RAB3GAP1: variants seen among roughly 807,000 people sequenced by gnomAD.
The protein encoded by RAB3GAP1 is rab3 GTPase-activating protein catalytic subunit.
A neutral mutation model predicts 130.7 loss-of-function variants in RAB3GAP1; 86 were observed. That is an observed-to-expected ratio of 0.66 (90% CI 0.55 to 0.79). RAB3GAP1 has a LOEUF of 0.79. Among genes scored for constraint, RAB3GAP1 ranks in the 30% least tolerant of loss-of-function variants. The pLI is 0.00. For missense variants in RAB3GAP1, 1,029 were observed against 1,169.4 expected (o/e 0.88, Z 1.75); for synonymous variants, 367 against 401.7 (o/e 0.91, Z 1.03).
chr2:135,119,762 C>T (rs972703218), intron 7 of RAB3GAP1, among the ~76,000 whole-genome samples: 7 of 151,972 alleles, frequency 4.6e-5, no homozygotes, highest in African/African-American at 1.7e-4. Flanking sequence ...AGTGTAGTCT[C>T]CTGAACAGCA....
At chr2:135,162,708 T>C (rs2104997855) in intron 20 of RAB3GAP1, 40 bp from the exon 21 acceptor site, 1 of 1,606,270 alleles carries the variant, frequency 6.2e-7, no homozygotes, top group Non-Finnish European at 8.5e-7. Context: ...TATATTTTGC[T>C]TAATTTATTT....
intron 3 of RAB3GAP1, among the ~76,000 whole-genome samples, chr2:135,077,537 T>A (rs1448308215): frequency 6.6e-6 from 1 of 152,008 alleles, no homozygotes; most frequent in African/African-American, 2.4e-5. Context: ...ACCAAAAAAA[T>A]CCCCAAGAAA....
At chr2:135,112,849 C>CACACA (rs1690852759) in intron 5 of RAB3GAP1, among the ~76,000 whole-genome samples, 2 of 151,476 alleles carry the variant, frequency 1.3e-5, no homozygotes, top group South Asian at 4.2e-4. Context: ...CACACACACA[C>CACACA]ACACACACAC....
At chr2:135,092,717 C>T (rs546374483) in intron 4 of RAB3GAP1, among the ~76,000 whole-genome samples, 4 of 152,270 alleles carry the variant, frequency 2.6e-5, no homozygotes, top group African/African-American at 9.6e-5. Context: ...GGATTACAGG[C>T]GTGAATCACT....
intron 18 of RAB3GAP1, 100 bp downstream of exon 18, chr2:135,150,606 TTTG>T: frequency 4.1e-6 from 6 of 1,473,726 alleles, no homozygotes; most frequent in Non-Finnish European, 5.6e-6. Flanking sequence ...TGAATGTCTT[TTTG>T]TTAAGTGTTT....
intron 17 of RAB3GAP1, among the ~76,000 whole-genome samples, chr2:135,140,990 T>A (rs1691821947): frequency 1.3e-5 from 2 of 152,212 alleles, no homozygotes; most frequent in Non-Finnish European, 2.9e-5. Flanking sequence ...TTTTTGCCTT[T>A]CTGAAGGGTA....
chr2:135,081,835 C>A (rs1689830122), intron 3 of RAB3GAP1, among the ~76,000 whole-genome samples: 1 of 151,988 alleles, frequency 6.6e-6, no homozygotes, highest in Admixed American at 6.6e-5. Context: ...AGAGAATCTT[C>A]TCAGTGTAAA....
intron 17 of RAB3GAP1, among the ~76,000 whole-genome samples, chr2:135,138,311 G>C (rs969101746): frequency 1.3e-5 from 2 of 151,272 alleles, no homozygotes; most frequent in Non-Finnish European, 2.9e-5. Context: ...TTAGCCGACT[G>C]GGGTAGCGTA....
At chr2:135,098,601 C>G (rs1358083943) in intron 5 of RAB3GAP1, among the ~76,000 whole-genome samples, 1 of 152,118 alleles carries the variant, frequency 6.6e-6, no homozygotes, top group African/African-American at 2.4e-5. Flanking sequence ...GGTAGCAGAT[C>G]CATTACCCAG....
chr2:135,120,642 G>T (rs1378660364), intron 7 of RAB3GAP1, among the ~76,000 whole-genome samples, 177 bp from the exon 8 acceptor site: 1 of 152,156 alleles, frequency 6.6e-6, no homozygotes, highest in Non-Finnish European at 1.5e-5. Context: ...GGAATGGCTA[G>T]AATATCATGT....
intron 3 of RAB3GAP1, among the ~76,000 whole-genome samples, chr2:135,085,413 T>C (rs918932788): frequency 4.6e-5 from 7 of 152,098 alleles, no homozygotes; most frequent in Non-Finnish European, 8.8e-5. Flanking sequence ...AATAGCAGAT[T>C]TGTATTTTAG....
chr2:135,130,083 C>T lies in RAB3GAP1; in HGVS notation c.1062C>T (p.Gly354=). 2 of 1,608,074 alleles carry T rather than the reference C, an allele frequency of 1.2e-6. No individual in the cohort carries two copies. Among genetic ancestry groups the T allele is most frequent in the African/African-American group, 1.3e-5 (1 of 74,772 alleles). ...GACGATCTGCATTTGAGGAAGAAGG[C>T]AAAGGTAACCTACATTTTTTTTTAA... ...ILGRSAFEEE[G]KETADITHAL... The change falls in exon 12 of 24, where the codon GGC becomes GGT. Residue 354 remains glycine (G), a synonymous_variant. Transcript: ENST00000264158.
At chr2:135,154,460 C>G (rs960788359) in intron 19 of RAB3GAP1, among the ~76,000 whole-genome samples, 11 of 150,496 alleles carry the variant, frequency 7.3e-5, no homozygotes, top group Non-Finnish European at 1.5e-4. Context: ...TAAATAAATC[C>G]ATGCATTCAG....
intron 19 of RAB3GAP1, 94 bp downstream of exon 19, chr2:135,153,970 CTT>C (rs533027831): frequency 1.4e-4 from 164 of 1,153,640 alleles, no homozygotes; most frequent in Non-Finnish European, 2.0e-4. Flanking sequence ...TTTGGACACA[CTT>C]GAGGTGCAAA....
chr2:135,094,919 A>G lies in RAB3GAP1; in HGVS notation c.362+1226A>G, dbSNP rs544448881. Among the ~76,000 whole-genome samples the G allele has an allele frequency of 4.6e-5, 7 of 152,262 alleles. No homozygotes were observed. In the East Asian group the frequency reaches 1.3e-3, roughly 29 times the overall value. On this transcript the variant is annotated intron_variant, in intron 5 of 23. Coordinates refer to ENST00000264158, the MANE Select transcript of RAB3GAP1 (RefSeq NM_012233.3). ...GAATAATATTATATTGTGTATATGT[A>G]CCACATTTTCTTTATTCATTCATCT...
intron 5 of RAB3GAP1, among the ~76,000 whole-genome samples, chr2:135,105,851 C>T (rs1690589694): frequency 6.6e-6 from 1 of 151,796 alleles, no homozygotes; most frequent in Non-Finnish European, 1.5e-5. Flanking sequence ...GCCGCCCCGT[C>T]TGGGATGTGA....
intron 23 of RAB3GAP1, 120 bp downstream of exon 23, chr2:135,164,816 A>G: frequency 1.3e-6 from 1 of 755,294 alleles, no homozygotes; most frequent in Non-Finnish European, 2.3e-6. Context: ...AAGTCTGGGC[A>G]TTGGGTTTGA....
chr2:135,130,479 C>CA (rs1453611697), intron 12 of RAB3GAP1, 73 bp from the exon 13 acceptor site: 8 of 1,233,876 alleles, frequency 6.5e-6, no homozygotes, highest in Non-Finnish European at 8.2e-6. Context: ...TCTATATAAT[C>CA]ATCAATTTGT....
chr2:135,136,636 T>C lies in RAB3GAP1; in HGVS notation c.1923+704T>C, dbSNP rs182206264. 10 of 995,890 alleles carry C rather than the reference T, an allele frequency of 1.0e-5. 1 individual carries two copies. The East Asian group carries it at 1.7e-4, about 17-fold the overall frequency. 61.7% of individuals were successfully genotyped at this position (995,890 alleles called of 1,614,324 possible). On this transcript the variant is annotated intron_variant, in intron 17 of 23. Coordinates refer to ENST00000264158, the MANE Select transcript of RAB3GAP1 (RefSeq NM_012233.3). The stretch of plus-strand genomic sequence containing the variant: ...AAAAAAGAAAATCCAACTGCACTTA[T>C]GTATGTTTTTGTTTAACTTGTGGAC...
Sources: allele counts gnomAD v4.1 joint callset (sites outside exome capture counted in the v4.1 genomes callset), GRCh38; gene constraint gnomAD v4.1.1; transcripts MANE v1.5; gene names NCBI Gene and HGNC (gene_info 2026-07-23, HGNC 2026-07-21).